Variants in PDE4D observed in about 807,000 individuals in gnomAD.
PDE4D encodes the protein 3',5'-cyclic-AMP phosphodiesterase 4D.
In PDE4D, 24 loss-of-function variants were observed where a neutral mutation model predicts 87.4. That is an observed-to-expected ratio of 0.27 (90% confidence interval 0.20 to 0.39). The LOEUF (loss-of-function observed/expected upper bound fraction) is 0.39. Ranked by LOEUF, PDE4D falls within the 10% of genes least tolerant of loss-of-function variation. PDE4D has a pLI of 1.00. For missense variants in PDE4D, 714 were observed against 1,041.0 expected (o/e 0.69, Z 4.32); for synonymous variants, 384 against 383.2 (o/e 1.00, Z -0.02).
chr5:60,310,831 C>T (rs770795070), intron 1 of PDE4D, among the ~76,000 whole-genome samples: 3 of 152,164 alleles, frequency 2.0e-5, no homozygotes, highest in Admixed American at 1.3e-4. Context: ...TCTTTTTATG[C>T]CTTTTGTACA....
chr5:60,039,813 A>G (rs1378514036), intron 2 of PDE4D, among the ~76,000 whole-genome samples: 1 of 152,160 alleles, frequency 6.6e-6, no homozygotes, highest in East Asian at 1.9e-4. Context: ...AGCCACCATC[A>G]GGAAATTCTG....
rs549782859 is a variant in PDE4D at position 59,138,667 on chromosome 5, A to C, written c.808+41928T>G. Among the ~76,000 whole-genome samples the C allele has an allele frequency of 3.3e-5, 5 of 152,312 alleles. No homozygotes were observed. The South Asian group carries it at 1.0e-3, about 32-fold the overall frequency. ...TGGGTGTGCTCCTTTTTGCACTGAT[A>C]GATCAGCAGCCATGCCACTTTTCTA... On this transcript the variant is annotated intron_variant, in intron 5 of 14. Transcript: ENST00000340635.
At chr5:60,152,366 T>C (rs1331970333) in intron 2 of PDE4D, among the ~76,000 whole-genome samples, 5 of 152,100 alleles carry the variant, frequency 3.3e-5, no homozygotes, top group African/African-American at 1.2e-4. Context: ...AATTTACCAA[T>C]GAGGGGGCCA....
intron 1 of PDE4D, among the ~76,000 whole-genome samples, chr5:59,771,958 T>C (rs1333506083): frequency 6.6e-6 from 1 of 152,220 alleles, no homozygotes; most frequent in African/African-American, 2.4e-5. Context: ...CCCATTATTA[T>C]TATTGATTCA....
At chr5:60,419,543 T>C (rs1397044623) in intron 1 of PDE4D, among the ~76,000 whole-genome samples, 1 of 151,612 alleles carries the variant, frequency 6.6e-6, no homozygotes, top group African/African-American at 2.4e-5. Flanking sequence ...AGAGATTTTT[T>C]GCTACATATT....
chr5:59,245,284 G>A (rs1424704853), intron 1 of PDE4D, among the ~76,000 whole-genome samples: 2 of 152,130 alleles, frequency 1.3e-5, no homozygotes, highest in African/African-American at 4.8e-5. Flanking sequence ...TAATGGTCAA[G>A]CGAATATGTG....
At chr5:59,057,766 G>A (rs1253347553) in intron 5 of PDE4D, among the ~76,000 whole-genome samples, 1 of 152,160 alleles carries the variant, frequency 6.6e-6, no homozygotes, top group Non-Finnish European at 1.5e-5. Context: ...AGCTCAGATG[G>A]TAGGAAGGGC....
At chr5:59,736,302 T>A in intron 1 of PDE4D, among the ~76,000 whole-genome samples, 1 of 152,252 alleles carries the variant, frequency 6.6e-6, no homozygotes, top group Non-Finnish European at 1.5e-5. Flanking sequence ...CAAAACATGT[T>A]AAGAAAATTA....
intron 2 of PDE4D, among the ~76,000 whole-genome samples, chr5:60,143,752 T>C (rs1250464564): frequency 2.0e-5 from 3 of 152,216 alleles, no homozygotes; most frequent in South Asian, 4.1e-4. Flanking sequence ...TTATTGATTA[T>C]GTTAGAGATA....
intron 1 of PDE4D, among the ~76,000 whole-genome samples, chr5:59,852,753 GT>G (rs1286494492): frequency 6.6e-6 from 1 of 151,822 alleles, no homozygotes; most frequent in Non-Finnish European, 1.5e-5. Flanking sequence ...GTATAAGACA[GT>G]TTCTAAAAAT....
chr5:59,907,512 A>G (rs1752972790), intron 3 of PDE4D, among the ~76,000 whole-genome samples: 1 of 152,094 alleles, frequency 6.6e-6, no homozygotes, highest in Non-Finnish European at 1.5e-5. Flanking sequence ...GTGATGAAAT[A>G]AAATAACCTG....
chr5:60,223,529 T>C (rs1205162319), intron 1 of PDE4D, among the ~76,000 whole-genome samples: 4 of 152,184 alleles, frequency 2.6e-5, no homozygotes, highest in African/African-American at 9.6e-5. Context: ...GCTTCTCCTA[T>C]TACCTTTGTT....
chr5:59,857,110 G>A lies in PDE4D; in HGVS notation c.455+36058C>T, dbSNP rs540509346. Among the ~76,000 whole-genome samples the A allele has an allele frequency of 3.4e-4, 52 of 151,706 alleles. 1 individual carries two copies. In the Middle Eastern group the frequency reaches 0.01, roughly 30 times the overall value. Reference sequence around the variant, plus strand: ...TAGATTCATGAAATGCCCCGCAAGTGTGCAAAGTCAGCAATCAGCCGAGAG... The same window carrying A: ...TAGATTCATGAAATGCCCCGCAAGTATGCAAAGTCAGCAATCAGCCGAGAG... On this transcript the variant is annotated intron_variant, in intron 1 of 14. Coordinates refer to ENST00000340635, the MANE Select transcript of PDE4D (RefSeq NM_001104631.2).
At chr5:60,046,454 A>G (rs890324273) in intron 2 of PDE4D, among the ~76,000 whole-genome samples, 12 of 152,186 alleles carry the variant, frequency 7.9e-5, no homozygotes, top group African/African-American at 2.9e-4. Flanking sequence ...CAGTTTTCAA[A>G]GGGAATGCTT....
At chr5:59,903,668 T>C (rs1190552961) in intron 3 of PDE4D, among the ~76,000 whole-genome samples, 2 of 152,254 alleles carry the variant, frequency 1.3e-5, no homozygotes, top group Middle Eastern at 3.4e-3. Flanking sequence ...TTTATTACTA[T>C]CCCGATTGTA....
At chr5:59,882,406 G>A (rs661576) in intron 1 of PDE4D, among the ~76,000 whole-genome samples, 72,273 of 151,900 alleles carry the variant, frequency 0.48, 17,715 homozygotes, top group Admixed American at 0.54. Context: ...TTTACTTTAT[G>A]TTTTAATGAT....
chr5:60,138,812 T>C (rs1780273544), intron 2 of PDE4D, among the ~76,000 whole-genome samples: 1 of 152,122 alleles, frequency 6.6e-6, no homozygotes, highest in South Asian at 2.1e-4. Flanking sequence ...ATAACTACTA[T>C]AAATAATTGC....
In PDE4D at chr5:60,084,301, C is replaced by T. The variant is rs144707764; in HGVS notation, c.43-95584G>A. Among the ~76,000 whole-genome samples, 11 of 151,916 alleles carry T rather than the reference C, an allele frequency of 7.2e-5. No individual in the cohort carries two copies. In the East Asian group the frequency reaches 2.1e-3, roughly 29 times the overall value. ...TTTATAATTGTAACTGAATTATTTA[C>T]ATCACTTTTATATAAGCTTGAGGAA... On this transcript the variant is annotated intron_variant, in intron 2 of 16. Transcript: ENST00000502484.
chr5:60,092,991 C>T (rs1468037425), intron 2 of PDE4D, among the ~76,000 whole-genome samples: 1 of 152,146 alleles, frequency 6.6e-6, no homozygotes, highest in Non-Finnish European at 1.5e-5. Flanking sequence ...TCTTACCACA[C>T]CAAAACTTGC....
Sources: allele counts gnomAD v4.1 joint callset (sites outside exome capture counted in the v4.1 genomes callset), GRCh38; gene constraint gnomAD v4.1.1; transcripts MANE v1.5; gene names NCBI Gene and HGNC (gene_info 2026-07-23, HGNC 2026-07-21).